Variants in LRRTM4 observed in about 807,000 individuals in gnomAD.
LRRTM4 encodes leucine rich repeat transmembrane neuronal 4, also known as leucine-rich repeat transmembrane neuronal protein 4.
Under a neutral mutation model 47.6 loss-of-function variants are expected in LRRTM4, and 25 were observed. The ratio of observed to expected loss-of-function variants is 0.53; its 90% CI spans 0.38 to 0.73. The LOEUF is 0.73. Among genes scored for constraint, LRRTM4 ranks in the 30% least tolerant of loss-of-function variants. The pLI, the probability that LRRTM4 is intolerant of heterozygous loss-of-function variation, is 0.00. For missense variants in LRRTM4, 638 were observed against 713.4 expected (o/e 0.89, Z 1.20); for synonymous variants, 311 against 269.5 (o/e 1.15, Z -1.51).
chr2:77,431,234 T>C (rs1003954099), intron 3 of LRRTM4, among the ~76,000 whole-genome samples: 1 of 149,120 alleles, frequency 6.7e-6, no homozygotes, highest in Non-Finnish European at 1.5e-5. Context: ...CCCTGACTAA[T>C]ATAGAAATAA....
At chr2:77,478,752 C>G (rs2104011178) in intron 3 of LRRTM4, among the ~76,000 whole-genome samples, 1 of 152,182 alleles carries the variant, frequency 6.6e-6, no homozygotes, top group African/African-American at 2.4e-5. Context: ...TGTAAGTGGT[C>G]TTTGATGTGA....
At chr2:77,179,509 T>C (rs1052848206) in intron 3 of LRRTM4, among the ~76,000 whole-genome samples, 11 of 152,328 alleles carry the variant, frequency 7.2e-5, no homozygotes, top group Admixed American at 7.2e-4. Context: ...GGCATTACAT[T>C]GAGTAAGTAA....
intron 3 of LRRTM4, among the ~76,000 whole-genome samples, chr2:77,130,332 T>C (rs1671761949): frequency 6.6e-6 from 1 of 151,980 alleles, no homozygotes; most frequent in South Asian, 2.1e-4. Flanking sequence ...TCCTCCAGAA[T>C]GGTGGAACAT....
chr2:77,074,120 A>C (rs1419194032), intron 3 of LRRTM4, among the ~76,000 whole-genome samples: 3 of 152,152 alleles, frequency 2.0e-5, no homozygotes, highest in Non-Finnish European at 4.4e-5. Context: ...GCAATTTTAA[A>C]TGTCTTAATG....
At chr2:77,403,869 AAT>A (rs150397147) in intron 3 of LRRTM4, among the ~76,000 whole-genome samples, 9 of 143,638 alleles carry the variant, frequency 6.3e-5, no homozygotes, top group Admixed American at 1.4e-4. Flanking sequence ...TTAAATGAGA[AAT>A]ATATATATAT....
intron 3 of LRRTM4, among the ~76,000 whole-genome samples, chr2:76,904,984 G>A (rs1009856037): frequency 3.9e-5 from 6 of 152,178 alleles, no homozygotes; most frequent in Non-Finnish European, 5.9e-5. Flanking sequence ...TCTGAGCATT[G>A]AAGAAAGCAG....
At chr2:77,252,195 G>C (rs59002846) in intron 3 of LRRTM4, among the ~76,000 whole-genome samples, 7,632 of 152,196 alleles carry the variant, frequency 0.05, 647 homozygotes, top group African/African-American at 0.17. Context: ...TAGGGAAGTT[G>C]CTGGAGCATG....
At chr2:77,032,850 A>G (rs893173608) in intron 3 of LRRTM4, among the ~76,000 whole-genome samples, 1 of 152,130 alleles carries the variant, frequency 6.6e-6, no homozygotes, top group Non-Finnish European at 1.5e-5. Context: ...CAGTTGTGCC[A>G]TGATTTCATG....
chr2:76,989,275 A>G (rs1305776120), intron 3 of LRRTM4, among the ~76,000 whole-genome samples: 1 of 151,848 alleles, frequency 6.6e-6, no homozygotes, highest in Non-Finnish European at 1.5e-5. Context: ...TGGTCTGTTC[A>G]GCTTTCATAC....
chr2:76,796,712 A>AAAAC, intron 3 of LRRTM4, among the ~76,000 whole-genome samples: 1 of 147,732 alleles, frequency 6.8e-6, no homozygotes, highest in East Asian at 2.1e-4. Flanking sequence ...AGACAGGGAA[A>AAAAC]AAACAGAACA....
chr2:76,801,455 A>G (rs1435311249), intron 3 of LRRTM4, among the ~76,000 whole-genome samples: 2 of 152,174 alleles, frequency 1.3e-5, no homozygotes, highest in African/African-American at 4.8e-5. Context: ...ATAGGTGGGA[A>G]TTGAACAATG....
rs1358555481 is a variant in LRRTM4, at chr2:76,791,876, AC to A, written c.1552-42961del. ...TTTCCAATATGAAATAGACTTTCAA[AC>A]CCCAGAGAATTTTTGAGGAAAAGCA... is the stretch of plus-strand genomic sequence containing the variant. On this transcript the variant is annotated intron_variant, in intron 3 of 3. Transcript: ENST00000409884. Among the ~76,000 whole-genome samples, 3 of 152,284 alleles carry A rather than the reference AC, an allele frequency of 2.0e-5. No homozygotes were observed. The East Asian group carries it at 5.8e-4, about 30-fold the overall frequency.
chr2:76,802,433 C>G (rs1052374117), intron 3 of LRRTM4, among the ~76,000 whole-genome samples: 7 of 151,832 alleles, frequency 4.6e-5, no homozygotes, highest in African/African-American at 1.7e-4. Flanking sequence ...GATCTATATA[C>G]TGAAAACAAA....
intron 3 of LRRTM4, among the ~76,000 whole-genome samples, chr2:76,908,554 TC>T (rs1673934648): frequency 1.3e-5 from 2 of 152,062 alleles, no homozygotes; most frequent in East Asian, 3.9e-4. Context: ...AGTCAAAGTG[TC>T]CCTGTTTGCA....
At chr2:77,089,806 A>G (rs1680868959) in intron 3 of LRRTM4, among the ~76,000 whole-genome samples, 1 of 152,150 alleles carries the variant, frequency 6.6e-6, no homozygotes, top group African/African-American at 2.4e-5. Context: ...AGAAAATGGC[A>G]CTTTGAATTT....
chr2:77,019,105 C>G (rs2104096759), intron 3 of LRRTM4, among the ~76,000 whole-genome samples: 1 of 151,978 alleles, frequency 6.6e-6, no homozygotes, highest in Non-Finnish European at 1.5e-5. Context: ...ATATGAAAAA[C>G]TTCTTGAATG....
At chr2:77,502,369 T>A (rs1483111187) in intron 3 of LRRTM4, among the ~76,000 whole-genome samples, 1 of 151,366 alleles carries the variant, frequency 6.6e-6, no homozygotes, top group Non-Finnish European at 1.5e-5. Flanking sequence ...AACAAAAGTA[T>A]GAGAGAAAAA....
intron 3 of LRRTM4, among the ~76,000 whole-genome samples, chr2:76,842,637 C>T (rs373799588): frequency 6.6e-6 from 1 of 152,212 alleles, no homozygotes; most frequent in East Asian, 1.9e-4. Context: ...TTGAATACTG[C>T]ACTGAAAGTG....
intron 3 of LRRTM4, among the ~76,000 whole-genome samples, chr2:77,276,172 A>G (rs1573182421): frequency 1.3e-5 from 2 of 152,178 alleles, no homozygotes; most frequent in African/African-American, 4.8e-5. Context: ...ACTTTTATCA[A>G]TAAATTATAA....
Sources: gnomAD v4.1 joint callset for allele counts (sites outside exome capture counted in the v4.1 genomes callset) on GRCh38, gnomAD v4.1.1 for gene constraint, MANE v1.5 for transcripts, NCBI Gene and HGNC (gene_info 2026-07-23, HGNC 2026-07-21) for gene names.